Variants in ANGPTL2 observed in about 807,000 individuals in gnomAD.
ANGPTL2 encodes angiopoietin like 2, also known as angiopoietin-related protein 2.
A neutral mutation model predicts 52.8 loss-of-function variants in ANGPTL2; 25 were observed. The ratio of observed to expected loss-of-function variants is 0.47; its 90% CI spans 0.35 to 0.66. ANGPTL2 has a LOEUF of 0.66. Ranked by LOEUF, ANGPTL2 falls within the 30% of genes least tolerant of loss-of-function variation. ANGPTL2 has a pLI of 0.01. For synonymous variants in ANGPTL2, 276 were observed against 277.4 expected (o/e 1.00, Z 0.05); for missense variants, 546 against 656.9 (o/e 0.83, Z 1.84).
chr9:127,120,069 G>A (rs1390852623), intron 1 of ANGPTL2, among the ~76,000 whole-genome samples: 1 of 152,218 alleles, frequency 6.6e-6, no homozygotes, highest in Non-Finnish European at 1.5e-5. Flanking sequence ...GTGTTGTCTG[G>A]TGTAAGATCC....
chr9:127,115,493 G>T (rs1438142569), intron 1 of ANGPTL2, among the ~76,000 whole-genome samples: 1 of 152,156 alleles, frequency 6.6e-6, no homozygotes. Flanking sequence ...CTAAGAGAAA[G>T]GTATTATATC....
chr9:127,091,607 G>C lies in ANGPTL2; in HGVS notation c.1282+63C>G. ...CCGTTTCCAAGCCCTGGAGTCAGGG[G>C]CTCTGGCTCTGGTTGACCTCTTTTC... On this transcript the variant is annotated intron_variant, in intron 4 of 4. Coordinates refer to ENST00000373425, the MANE Select transcript of ANGPTL2 (RefSeq NM_012098.3). The surrounding 1 kb of genome is among the most constrained non-coding windows in gnomAD (Gnocchi z 4.3). 6.4e-7 allele frequency: 1 copy of C among 1,562,968 alleles called. No individual in the cohort carries two copies. The highest frequency in any genetic ancestry group is 8.7e-7 in the Non-Finnish European group (1 of 1,153,294).
At chr9:127,108,895 C>T in intron 1 of ANGPTL2, 115 bp from the exon 2 acceptor site, 1 of 750,458 alleles carries the variant, frequency 1.3e-6, no homozygotes, top group Non-Finnish European at 2.1e-6. Flanking sequence ...AACTCTGCTT[C>T]AGGATGCTGG....
chr9:127,095,475 A>T (rs149744111), intron 2 of ANGPTL2, among the ~76,000 whole-genome samples: 4 of 152,350 alleles, frequency 2.6e-5, no homozygotes, highest in African/African-American at 4.8e-5. Flanking sequence ...GTACCATTGT[A>T]TGTTTTCTAT....
chr9:127,100,187 TTGAG>T (rs1460009988), intron 2 of ANGPTL2, among the ~76,000 whole-genome samples: 2 of 152,224 alleles, frequency 1.3e-5, no homozygotes, highest in African/African-American at 2.4e-5. Context: ...CATAAATTAA[TTGAG>T]TTACTCTTAG....
At chr9:127,090,522 C>G (rs1378801654) in intron 4 of ANGPTL2, among the ~76,000 whole-genome samples, 1 of 152,214 alleles carries the variant, frequency 6.6e-6, no homozygotes, top group African/African-American at 2.4e-5. Context: ...TCCCTCCTGT[C>G]CCCTGATGTT....
chr9:127,101,685 G>A (rs1028007891), intron 2 of ANGPTL2, among the ~76,000 whole-genome samples: 1 of 152,216 alleles, frequency 6.6e-6, no homozygotes, highest in Admixed American at 6.5e-5. Flanking sequence ...AGCCTGGACA[G>A]TTTGTAGTGG....
Position 127,115,466 on chromosome 9 carries a change from C to T in ANGPTL2, c.-49-6686G>A, listed in dbSNP as rs116958664. On this transcript the variant is annotated intron_variant, in intron 1 of 4. Coordinates refer to ENST00000373425, the MANE Select transcript of ANGPTL2 (RefSeq NM_012098.3). Reference sequence around the variant, plus strand: ...AATATTGTCCTGACTGAGCAACAAACTATATGATCCCATTACCTAAGAGAA... The same window carrying T: ...AATATTGTCCTGACTGAGCAACAAATTATATGATCCCATTACCTAAGAGAA... 5.3e-3 allele frequency among the ~76,000 whole-genome samples: 808 copies of T among 152,332 alleles called. 24 individuals carry two copies. In the East Asian group the frequency reaches 0.084, roughly 16 times the overall value.
At chr9:127,112,327 G>A (rs576501005) in intron 1 of ANGPTL2, among the ~76,000 whole-genome samples, 29 of 152,296 alleles carry the variant, frequency 1.9e-4, no homozygotes, top group Admixed American at 1.6e-3. Flanking sequence ...CCAGAACAAT[G>A]GGGAGGAGCC....
intron 2 of ANGPTL2, among the ~76,000 whole-genome samples, chr9:127,095,678 G>GTGCC (rs1271327583): frequency 2.0e-5 from 3 of 152,142 alleles, no homozygotes; most frequent in African/African-American, 7.2e-5. Flanking sequence ...TTGAAGGGAG[G>GTGCC]TGCCCATCAG....
intron 1 of ANGPTL2, among the ~76,000 whole-genome samples, chr9:127,110,534 G>T (rs570674088): frequency 6.6e-6 from 1 of 152,142 alleles, no homozygotes; most frequent in Non-Finnish European, 1.5e-5. Context: ...ATTTATTTCT[G>T]GAACTCTCCC....
chr9:127,102,538 C>G (rs1167477469), intron 2 of ANGPTL2, among the ~76,000 whole-genome samples: 1 of 152,152 alleles, frequency 6.6e-6, no homozygotes, highest in Non-Finnish European at 1.5e-5. Flanking sequence ...ATTTTTTTAA[C>G]AGTAACAAGT....
At chr9:127,096,959 G>A (rs112219358) in intron 2 of ANGPTL2, among the ~76,000 whole-genome samples, 1 of 152,140 alleles carries the variant, frequency 6.6e-6, no homozygotes, top group African/African-American at 2.4e-5. Context: ...TTACCTGGTG[G>A]GTAAAGGACA....
chr9:127,095,384 C>G (rs891368709), intron 2 of ANGPTL2, among the ~76,000 whole-genome samples: 2 of 152,154 alleles, frequency 1.3e-5, no homozygotes, highest in African/African-American at 4.8e-5. Flanking sequence ...AGTGGCAGAG[C>G]AAGACAAGAC....
intron 2 of ANGPTL2, among the ~76,000 whole-genome samples, chr9:127,096,304 C>T (rs59185472): frequency 0.016 from 2,460 of 152,340 alleles, 78 homozygotes; most frequent in African/African-American, 0.056. Flanking sequence ...AGCAGAGCGC[C>T]GGTGGGCGTG....
intron 2 of ANGPTL2, among the ~76,000 whole-genome samples, chr9:127,097,479 A>G (rs1222938371): frequency 6.6e-6 from 1 of 152,244 alleles, no homozygotes; most frequent in African/African-American, 2.4e-5. Flanking sequence ...CCCTTAGTAG[A>G]CCTCTGTGAA....
intron 2 of ANGPTL2, among the ~76,000 whole-genome samples, chr9:127,103,909 T>C (rs2053976140): frequency 6.6e-6 from 1 of 151,926 alleles, no homozygotes; most frequent in Non-Finnish European, 1.5e-5. Context: ...ATATCCAGAG[T>C]AGTTAAAACA....
chr9:127,108,254 T>A lies in ANGPTL2; in HGVS notation c.478A>T (p.Asn160Tyr). The A allele has an allele frequency of 6.2e-7, 1 of 1,613,942 alleles. No homozygotes were observed. The highest frequency in any genetic ancestry group is 8.5e-7 in the Non-Finnish European group (1 of 1,179,940). ...TCGGCTGTCTGGTTCAGGATCCTGT[T>A]CTCCAGCTGGGAGAGCTCCAACGCG... ...DNALELSQLE[N>Y]RILNQTADML... The change falls in exon 2 of 5, where the codon AAC becomes TAC. Residue 160 changes from asparagine to tyrosine, a missense_variant. Around this residue, in one of 2 missense-constraint regions of ANGPTL2, gnomAD observed 285 missense variants for 295.8 expected, o/e 0.96. Transcript: ENST00000373425.
At chr9:127,099,596 G>A (rs749028665) in intron 2 of ANGPTL2, among the ~76,000 whole-genome samples, 37 of 152,344 alleles carry the variant, frequency 2.4e-4, no homozygotes, top group Admixed American at 5.2e-4. Flanking sequence ...GATGGGGTGT[G>A]AGGGGTGGCT....
Sources: allele counts gnomAD v4.1 joint callset (sites outside exome capture counted in the v4.1 genomes callset), GRCh38; gene constraint gnomAD v4.1.1; regional missense constraint gnomAD v4.1.1; non-coding constraint Gnocchi (gnomAD v3.1); transcripts MANE v1.5; gene names NCBI Gene and HGNC (gene_info 2026-07-23, HGNC 2026-07-21).